Variants in ENPEP observed in about 807,000 individuals in gnomAD.
The protein encoded by ENPEP is glutamyl aminopeptidase, also known as AP-A.
In ENPEP, 103 loss-of-function variants were observed where a neutral mutation model predicts 114.5. That is an observed-to-expected ratio of 0.90 (90% CI 0.77 to 1.06). The LOEUF (loss-of-function observed/expected upper bound fraction) is 1.06. Among genes scored for constraint, ENPEP ranks in the 50% least tolerant of loss-of-function variants. The probability of loss-of-function intolerance (pLI) is 0.00; values close to 1 mark genes in which losing one functional copy is unlikely to be tolerated. For synonymous variants in ENPEP, 420 were observed against 422.0 expected (o/e 1.00, Z 0.06); for missense variants, 1,196 against 1,161.3 (o/e 1.03, Z -0.43).
chr4:110,538,842 T>C (rs1401473688), intron 11 of ENPEP, among the ~76,000 whole-genome samples: 2 of 151,534 alleles, frequency 1.3e-5, no homozygotes, highest in East Asian at 1.9e-4. Context: ...TCTAAAAGAA[T>C]AGGGAGTCCC....
In ENPEP at chr4:110,481,818, G is replaced by T. The variant is rs182917572; in HGVS notation, c.644+4760G>T. On this transcript the variant is annotated intron_variant, in intron 1 of 19. Coordinates refer to ENST00000265162, the MANE Select transcript of ENPEP (RefSeq NM_001977.4). ...GACAGGAAGTACAACCGGAATTTTA[G>T]AGATCATTTCTAGTTTGGGCTGCCA... Among the ~76,000 whole-genome samples, 386 of 151,066 alleles carry T rather than the reference G, an allele frequency of 2.6e-3. 2 individuals are homozygous for T. Among genetic ancestry groups the T allele is most frequent in the Non-Finnish European group, 4.2e-3 (283 of 67,772 alleles).
intron 3 of ENPEP, among the ~76,000 whole-genome samples, chr4:110,497,330 G>A (rs1039730378): frequency 2.6e-5 from 4 of 151,606 alleles, no homozygotes; most frequent in Non-Finnish European, 5.9e-5. Context: ...TTACTGGAAG[G>A]GTTATCTTTA....
At chr4:110,526,627 A>T (rs1578408507) in intron 10 of ENPEP, among the ~76,000 whole-genome samples, 1 of 152,202 alleles carries the variant, frequency 6.6e-6, no homozygotes, top group African/African-American at 2.4e-5. Context: ...TGAAAATAGT[A>T]TGCAAATTTA....
intron 11 of ENPEP, among the ~76,000 whole-genome samples, chr4:110,534,504 C>CTTTTTTTTTTTTTTTTTTTTTTTTTTT (rs71595561): frequency 1.9e-5 from 1 of 52,276 alleles, no homozygotes; most frequent in Non-Finnish European, 3.5e-5. Context: ...TTCGTTGTTT[C>CTTTTTTTTTTTTTTTTTTTTTTTTTTT]TTTTTTTTTT....
intron 2 of ENPEP, among the ~76,000 whole-genome samples, chr4:110,488,893 G>C (rs1359361902): frequency 2.0e-5 from 3 of 152,174 alleles, no homozygotes; most frequent in African/African-American, 7.2e-5. Flanking sequence ...AAGCCAGATT[G>C]GTGTTTCTGT....
Position 110,544,380 on chromosome 4 carries a change from G to T in ENPEP, c.2000+1310G>T, listed in dbSNP as rs151165990. On this transcript the variant is annotated intron_variant, in intron 13 of 19. Coordinates refer to ENST00000265162, the MANE Select transcript of ENPEP (RefSeq NM_001977.4). ...TTAATTAGTAGTGAAGATGCGTTTA[G>T]AAGAGCTCTTCTGAATTTGTAATCT... Among the ~76,000 whole-genome samples, 253 of 151,706 alleles carry T rather than the reference G, an allele frequency of 1.7e-3. 3 individuals carry two copies. The Middle Eastern group carries it at 0.031, about 18-fold the overall frequency.
intron 6 of ENPEP, chr4:110,512,360 G>A (rs1007527048): frequency 1.5e-4 from 23 of 152,062 alleles, no homozygotes; most frequent in African/African-American, 5.6e-4. Flanking sequence ...CACACACACA[G>A]CTGGTATAGT....
At chr4:110,492,685 T>C (rs1396478972) in intron 3 of ENPEP, among the ~76,000 whole-genome samples, 1 of 152,196 alleles carries the variant, frequency 6.6e-6, no homozygotes, top group African/African-American at 2.4e-5. Flanking sequence ...AATACTGGTA[T>C]GAAAAGGAAA....
chr4:110,520,026 C>A lies in ENPEP; in HGVS notation c.1528C>A (p.Gln510Lys). 1 of 1,613,782 alleles carries A rather than the reference C, an allele frequency of 6.2e-7. No homozygotes were observed. The highest frequency in any genetic ancestry group is 8.5e-7 in the Non-Finnish European group (1 of 1,179,820). Residue 510 changes from glutamine to lysine, a missense_variant, in exon 9 of 20, where the codon CAA becomes AAA. By Grantham distance (53) the Gln-to-Lys change is moderately conservative. Transcript: ENST00000265162. ...CACACAGATGTACTTGGAAAAATAC[C>A]AATTCAAGAATGCAAAAACTTCTGA... Reference protein sequence around the residue: ...KGCQMYLEKYQFKNAKTSDFW... With the variant: ...KGCQMYLEKYKFKNAKTSDFW...
intron 10 of ENPEP, among the ~76,000 whole-genome samples, chr4:110,522,885 G>T (rs1033399233): frequency 6.6e-6 from 1 of 152,160 alleles, no homozygotes; most frequent in East Asian, 1.9e-4. Flanking sequence ...CTGCACTTTA[G>T]AAAGGGTTTT....
intron 1 of ENPEP, among the ~76,000 whole-genome samples, chr4:110,486,485 C>T (rs1724502627): frequency 6.6e-6 from 1 of 152,164 alleles, no homozygotes; most frequent in Admixed American, 6.6e-5. Context: ...AGGGACTTTG[C>T]ACTTACGGTT....
intron 11 of ENPEP, among the ~76,000 whole-genome samples, chr4:110,532,627 A>G (rs1726449066): frequency 6.6e-6 from 1 of 152,178 alleles, no homozygotes; most frequent in South Asian, 2.1e-4. Flanking sequence ...TTTTAAAAAA[A>G]AACGTTTATT....
intron 7 of ENPEP, 44 bp from the exon 8 acceptor site, chr4:110,515,333 C>T (rs770967742): frequency 1.5e-5 from 23 of 1,492,084 alleles, no homozygotes; most frequent in Non-Finnish European, 2.1e-5. Context: ...TTGTTCCTTA[C>T]ATAGCCTTTA....
At chr4:110,524,739 A>G (rs1283400937) in intron 10 of ENPEP, among the ~76,000 whole-genome samples, 1 of 152,122 alleles carries the variant, frequency 6.6e-6, no homozygotes, top group Non-Finnish European at 1.5e-5. Flanking sequence ...CATTTTCTCT[A>G]CTTTGCCAAA....
In ENPEP at chr4:110,515,273, T is replaced by A. The variant is rs1413017610; in HGVS notation, c.1444-104T>A. 5 of 930,528 alleles carry A rather than the reference T, an allele frequency of 5.4e-6. No individual in the cohort carries two copies. The South Asian group carries it at 7.5e-5, about 14-fold the overall frequency. 57.6% of individuals were successfully genotyped at this position (930,528 alleles called of 1,614,324 possible). ...TAGCAGAATCATCTTGAGGAACTAA[T>A]CTCACAAATATGATCATGAAATACT... On this transcript the variant is annotated intron_variant, in intron 7 of 19. Transcript: ENST00000265162.
At chr4:110,513,381 T>C (rs1725650550) in intron 6 of ENPEP, 34 bp from the exon 7 acceptor site, 2 of 1,592,994 alleles carry the variant, frequency 1.3e-6, no homozygotes, top group Non-Finnish European at 8.5e-7. Flanking sequence ...ATAAAGGAAA[T>C]ACTATATTCC....
chr4:110,495,114 C>T (rs1268544985), intron 3 of ENPEP, among the ~76,000 whole-genome samples: 1 of 152,154 alleles, frequency 6.6e-6, no homozygotes, highest in East Asian at 1.9e-4. Context: ...CCCCAATAAG[C>T]ATGTCATGAA....
chr4:110,527,449 T>C (rs997620403), intron 10 of ENPEP, among the ~76,000 whole-genome samples: 27 of 151,906 alleles, frequency 1.8e-4, no homozygotes, highest in African/African-American at 6.5e-4. Flanking sequence ...CTTCAGGGAG[T>C]GTCTGTATAC....
At chr4:110,483,471 T>C (rs1724390063) in intron 1 of ENPEP, among the ~76,000 whole-genome samples, 1 of 152,126 alleles carries the variant, frequency 6.6e-6, no homozygotes, top group South Asian at 2.1e-4. Flanking sequence ...TTTTTTGGTT[T>C]TTTTTTTAGA....
Sources: gnomAD v4.1 joint callset for allele counts (sites outside exome capture counted in the v4.1 genomes callset) on GRCh38, gnomAD v4.1.1 for gene constraint, MANE v1.5 for transcripts, NCBI Gene and HGNC (gene_info 2026-07-23, HGNC 2026-07-21) for gene names.